Variants in FOXJ3 observed in about 807,000 individuals in gnomAD.
FOXJ3 encodes the protein forkhead box J3.
FOXJ3 carries 22 observed loss-of-function variants against 76.1 expected under a neutral mutation model. That is an observed-to-expected ratio of 0.29 (90% CI 0.21 to 0.41). The LOEUF (loss-of-function observed/expected upper bound fraction) is 0.41. Ranked by LOEUF, FOXJ3 falls within the 10% of genes least tolerant of loss-of-function variation. The pLI is 1.00. For synonymous variants in FOXJ3, 269 were observed against 261.2 expected (o/e 1.03, Z -0.29); for missense variants, 613 against 762.1 (o/e 0.80, Z 2.30).
At chr1:42,210,621 TTAC>T (rs1406060553) in intron 5 of FOXJ3, among the ~76,000 whole-genome samples, 1 of 152,092 alleles carries the variant, frequency 6.6e-6, no homozygotes, top group Non-Finnish European at 1.5e-5. Context: ...GCCCAGTACA[TTAC>T]TACTACAGTT....
intron 11 of FOXJ3, among the ~76,000 whole-genome samples, chr1:42,183,774 C>T (rs1385534075): frequency 6.6e-6 from 1 of 152,034 alleles, no homozygotes; most frequent in Non-Finnish European, 1.5e-5. Flanking sequence ...CAAGTCTTTA[C>T]CCTCCAGTGG....
At chr1:42,236,075 A>T (rs1353146192) in intron 4 of FOXJ3, among the ~76,000 whole-genome samples, 1 of 152,174 alleles carries the variant, frequency 6.6e-6, no homozygotes, top group Non-Finnish European at 1.5e-5. Context: ...ACAGTCAATC[A>T]ACGAACACAG....
chr1:42,211,489 C>T (rs1225631467), intron 5 of FOXJ3, among the ~76,000 whole-genome samples: 3 of 151,964 alleles, frequency 2.0e-5, no homozygotes, highest in African/African-American at 7.3e-5. Context: ...TGCATTTCAC[C>T]GAGAGCTTCC....
chr1:42,232,191 C>A (rs955368632), intron 4 of FOXJ3, among the ~76,000 whole-genome samples: 2 of 151,438 alleles, frequency 1.3e-5, no homozygotes, highest in African/African-American at 4.9e-5. Context: ...TTAATCCAGT[C>A]TATCATTGTT....
intron 5 of FOXJ3, among the ~76,000 whole-genome samples, chr1:42,212,624 G>A (rs530688737): frequency 6.6e-6 from 1 of 152,248 alleles, no homozygotes; most frequent in South Asian, 2.1e-4. Context: ...GTTCCTAAGG[G>A]AGAAGAAAAA....
At chr1:42,260,632 C>T (rs1321413484) in intron 4 of FOXJ3, among the ~76,000 whole-genome samples, 2 of 152,090 alleles carry the variant, frequency 1.3e-5, no homozygotes, top group Non-Finnish European at 2.9e-5. Context: ...TATGAGAGCA[C>T]CACTGCACTG....
intron 3 of FOXJ3, among the ~76,000 whole-genome samples, chr1:42,265,823 G>A (rs902247106): frequency 6.6e-6 from 1 of 152,160 alleles, no homozygotes; most frequent in Non-Finnish European, 1.5e-5. Context: ...TGGCTACAGG[G>A]AGCTGGGAAG....
chr1:42,216,151 T>C (rs982508404), intron 5 of FOXJ3, among the ~76,000 whole-genome samples: 1 of 151,900 alleles, frequency 6.6e-6, no homozygotes, highest in Non-Finnish European at 1.5e-5. Context: ...CAGGGGGAAA[T>C]TATAGCAAAG....
intron 4 of FOXJ3, among the ~76,000 whole-genome samples, chr1:42,264,584 T>C (rs796524345): frequency 9.2e-5 from 14 of 152,042 alleles, no homozygotes; most frequent in African/African-American, 3.4e-4. Context: ...AGGACCAAGT[T>C]CAGGTCACAC....
At chr1:42,299,481 GTAACTGTCTT>G (rs1300189942) in intron 2 of FOXJ3, among the ~76,000 whole-genome samples, 3 of 147,600 alleles carry the variant, frequency 2.0e-5, no homozygotes, top group Non-Finnish European at 4.5e-5. Context: ...CTTTGAGTCT[GTAACTGTCTT>G]TAACCAGTGT....
intron 4 of FOXJ3, among the ~76,000 whole-genome samples, chr1:42,256,744 G>A (rs1183554508): frequency 2.0e-5 from 3 of 152,190 alleles, no homozygotes; most frequent in Admixed American, 2.0e-4. Context: ...AAAAATGAAA[G>A]CATGTCCACA....
intron 4 of FOXJ3, among the ~76,000 whole-genome samples, chr1:42,249,306 T>G (rs972631617): frequency 6.6e-6 from 1 of 152,208 alleles, no homozygotes; most frequent in Non-Finnish European, 1.5e-5. Flanking sequence ...GGCTCCTGAT[T>G]TCTAGCTGAT....
chr1:42,293,909 C>G (rs548858018), intron 2 of FOXJ3, among the ~76,000 whole-genome samples: 1 of 152,324 alleles, frequency 6.6e-6, no homozygotes, highest in Admixed American at 6.5e-5. Flanking sequence ...AAAAGAGACC[C>G]AGCCAAACAC....
At chr1:42,219,851 C>T (rs1226708935) in intron 5 of FOXJ3, among the ~76,000 whole-genome samples, 2 of 152,212 alleles carry the variant, frequency 1.3e-5, no homozygotes, top group South Asian at 2.1e-4. Flanking sequence ...CCCAGGAGGT[C>T]GAGACTGCAG....
intron 1 of FOXJ3, among the ~76,000 whole-genome samples, chr1:42,316,665 A>G (rs946577528): frequency 6.6e-6 from 1 of 152,174 alleles, no homozygotes; most frequent in Non-Finnish European, 1.5e-5. Context: ...ATAAGAATGG[A>G]AAAATGCAGT....
At chr1:42,225,303 G>T (rs1416392993) in intron 5 of FOXJ3, among the ~76,000 whole-genome samples, 1 of 152,040 alleles carries the variant, frequency 6.6e-6, no homozygotes, top group Non-Finnish European at 1.5e-5. Flanking sequence ...TGAAGGTCAT[G>T]TTCAGGACCA....
intron 2 of FOXJ3, among the ~76,000 whole-genome samples, chr1:42,295,034 G>T (rs1401904776): frequency 2.6e-5 from 4 of 152,046 alleles, no homozygotes; most frequent in Non-Finnish European, 4.4e-5. Flanking sequence ...GATGTATCCA[G>T]AGTTAGTTTT....
chr1:42,324,565 C>A (rs773853683), intron 1 of FOXJ3, among the ~76,000 whole-genome samples: 1 of 151,930 alleles, frequency 6.6e-6, no homozygotes, highest in Non-Finnish European at 1.5e-5. Context: ...GATTTCATCA[C>A]TGTACAAACG....
chr1:42,215,921 A>T (rs1482183211), intron 5 of FOXJ3, among the ~76,000 whole-genome samples: 1 of 151,466 alleles, frequency 6.6e-6, no homozygotes, highest in Non-Finnish European at 1.5e-5. Context: ...GGAGGTTGAG[A>T]TGGGAGGATC....
Sources: gnomAD v4.1 joint callset for allele counts (sites outside exome capture counted in the v4.1 genomes callset) on GRCh38, gnomAD v4.1.1 for gene constraint, MANE v1.5 for transcripts, NCBI Gene and HGNC (gene_info 2026-07-23, HGNC 2026-07-21) for gene names.